EXOC6B: variants seen among roughly 807,000 people sequenced by gnomAD.
EXOC6B encodes exocyst complex component 6B.
A neutral mutation model predicts 113.5 loss-of-function variants in EXOC6B; 54 were observed. That is an observed-to-expected ratio of 0.48 (90% CI 0.38 to 0.60). EXOC6B has a LOEUF of 0.60. Ranked by LOEUF, EXOC6B falls within the 20% of genes least tolerant of loss-of-function variation. The pLI is 0.00. For synonymous variants in EXOC6B, 357 were observed against 339.0 expected (o/e 1.05, Z -0.58); for missense variants, 797 against 977.5 (o/e 0.82, Z 2.46).
intron 19 of EXOC6B, chr2:72,354,271 G>T (rs1317662016): frequency 1.3e-5 from 2 of 152,196 alleles, no homozygotes; most frequent in Non-Finnish European, 2.9e-5. Flanking sequence ...CAGAAAAGAA[G>T]TTCATTTGTG....
At chr2:72,535,409 T>C (rs1489154931) in intron 8 of EXOC6B, among the ~76,000 whole-genome samples, 1 of 152,206 alleles carries the variant, frequency 6.6e-6, no homozygotes, top group Non-Finnish European at 1.5e-5. Context: ...TAAGAATTCA[T>C]ATTAGGGATA....
At chr2:72,201,101 C>T (rs917800423) in intron 20 of EXOC6B, among the ~76,000 whole-genome samples, 1 of 150,988 alleles carries the variant, frequency 6.6e-6, no homozygotes, top group East Asian at 1.9e-4. Context: ...TATATATATA[C>T]ACACACACAC....
At chr2:72,793,118 T>C (rs1684768163) in intron 1 of EXOC6B, among the ~76,000 whole-genome samples, 1 of 152,224 alleles carries the variant, frequency 6.6e-6, no homozygotes, top group Admixed American at 6.5e-5. Flanking sequence ...ACTGTTTCCA[T>C]GTTTTAGCTA....
In EXOC6B at chr2:72,418,192, A is replaced by G. The variant is rs150270890; in HGVS notation, c.1981-38322T>C. Among the ~76,000 whole-genome samples, 152 of 152,300 alleles carry G rather than the reference A, an allele frequency of 1.0e-3. 1 individual carries two copies. In the East Asian group the frequency reaches 0.024, roughly 24 times the overall value. On this transcript the variant is annotated intron_variant, in intron 18 of 21. Coordinates refer to ENST00000272427, the MANE Select transcript of EXOC6B (RefSeq NM_015189.3). The stretch of plus-strand genomic sequence containing the variant: ...ATTTTAAATTCATTTAAAAGATGTA[A>G]TTCAGTTAGTGTCTACAGTTAATCA...
chr2:72,220,947 C>T (rs1412836346), intron 20 of EXOC6B, among the ~76,000 whole-genome samples: 1 of 152,142 alleles, frequency 6.6e-6, no homozygotes, highest in African/African-American at 2.4e-5. Context: ...ATATCCATCA[C>T]CTTAAATATT....
chr2:72,399,778 A>G (rs1319378450), intron 18 of EXOC6B, among the ~76,000 whole-genome samples: 1 of 152,142 alleles, frequency 6.6e-6, no homozygotes, highest in African/African-American at 2.4e-5. Flanking sequence ...ACCTTGTGTC[A>G]TAGATGACAC....
In EXOC6B at chr2:72,575,687, C is replaced by A. The variant is rs1292870572; in HGVS notation, c.670-19G>T. ...GCTGGGCCTAGGATAGAGAAGAACA[C>A]ACACAAACACACCAAAAAGGTGGGG... is the stretch of plus-strand genomic sequence containing the variant. On this transcript the variant is annotated intron_variant, in intron 6 of 21. Transcript: ENST00000272427. 1 of 1,520,850 alleles carries A rather than the reference C, an allele frequency of 6.6e-7. No homozygotes were observed. The highest frequency in any genetic ancestry group is 8.8e-7 in the Non-Finnish European group (1 of 1,138,656). The allele number at this position is 1,520,850 out of a possible 1,614,324, so 94.2% of individuals were successfully genotyped here.
At chr2:72,606,028 TA>T (rs1251286048) in intron 6 of EXOC6B, among the ~76,000 whole-genome samples, 3 of 152,178 alleles carry the variant, frequency 2.0e-5, no homozygotes, top group Non-Finnish European at 2.9e-5. Flanking sequence ...ATATTTACTA[TA>T]CATGTAATGC....
intron 17 of EXOC6B, among the ~76,000 whole-genome samples, chr2:72,479,132 A>T (rs1698924563): frequency 1.3e-5 from 2 of 152,146 alleles, no homozygotes; most frequent in African/African-American, 4.8e-5. Flanking sequence ...CATTGTGAAA[A>T]ATTAGTAAGT....
At chr2:72,797,131 G>A (rs971624649) in intron 1 of EXOC6B, among the ~76,000 whole-genome samples, 4 of 152,176 alleles carry the variant, frequency 2.6e-5, no homozygotes, top group African/African-American at 9.7e-5. Flanking sequence ...TAGCCAATGG[G>A]CACAACTGAC....
chr2:72,555,235 T>C (rs1332707455), intron 8 of EXOC6B, among the ~76,000 whole-genome samples: 6 of 152,346 alleles, frequency 3.9e-5, no homozygotes, highest in African/African-American at 1.4e-4. Context: ...TATGTCTTTA[T>C]AGTAGCATGA....
intron 6 of EXOC6B, among the ~76,000 whole-genome samples, chr2:72,686,278 G>C (rs939463557): frequency 6.6e-6 from 1 of 152,130 alleles, no homozygotes; most frequent in African/African-American, 2.4e-5. Context: ...TCCAAGGAAT[G>C]AAAGAAGCAT....
intron 18 of EXOC6B, among the ~76,000 whole-genome samples, chr2:72,415,720 T>C (rs1694480658): frequency 6.6e-6 from 1 of 152,112 alleles, no homozygotes; most frequent in Non-Finnish European, 1.5e-5. Context: ...CAAAGTGAAA[T>C]TTCTGACTAT....
At chr2:72,357,794 C>T (rs1000988943) in intron 19 of EXOC6B, among the ~76,000 whole-genome samples, 4 of 152,090 alleles carry the variant, frequency 2.6e-5, no homozygotes, top group African/African-American at 9.7e-5. Context: ...TGTTTAGACA[C>T]ACAAATTCTT....
At chr2:72,734,665 A>G (rs867010637) in intron 2 of EXOC6B, among the ~76,000 whole-genome samples, 18 of 152,182 alleles carry the variant, frequency 1.2e-4, no homozygotes, top group African/African-American at 3.9e-4. Flanking sequence ...GGCCTAAGAG[A>G]CAGAGTTTGC....
intron 1 of EXOC6B, among the ~76,000 whole-genome samples, chr2:72,755,885 T>A (rs935258883): frequency 6.6e-6 from 1 of 152,070 alleles, no homozygotes; most frequent in Non-Finnish European, 1.5e-5. Context: ...AGGTGGAAAT[T>A]TTTTATGGTA....
chr2:72,661,728 G>C (rs1320427260), intron 6 of EXOC6B, among the ~76,000 whole-genome samples: 2 of 151,912 alleles, frequency 1.3e-5, no homozygotes, highest in African/African-American at 4.8e-5. Context: ...GAGAAGCAAA[G>C]AAACCAGAAT....
intron 21 of EXOC6B, among the ~76,000 whole-genome samples, chr2:72,181,983 TTC>T (rs935697958): frequency 3.9e-5 from 6 of 152,206 alleles, no homozygotes; most frequent in African/African-American, 1.4e-4. Context: ...TCTTTTGTCT[TTC>T]TGTTTCGCCC....
intron 20 of EXOC6B, among the ~76,000 whole-genome samples, chr2:72,251,407 G>A (rs1209123468): frequency 6.6e-6 from 1 of 152,164 alleles, no homozygotes. Flanking sequence ...TCATATGCAT[G>A]TCAACTGGGT....
Sources: allele counts gnomAD v4.1 joint callset (sites outside exome capture counted in the v4.1 genomes callset), GRCh38; gene constraint gnomAD v4.1.1; transcripts MANE v1.5; gene names NCBI Gene and HGNC (gene_info 2026-07-23, HGNC 2026-07-21).